The following PRIM2 variants were observed in gnomAD, a reference collection of about 807,000 sequenced individuals.
PRIM2 encodes the protein DNA primase subunit 2.
PRIM2 carries 39 observed loss-of-function variants against 67.3 expected under a neutral mutation model. That is an observed-to-expected ratio of 0.58 (90% CI 0.45 to 0.76). PRIM2 has a LOEUF of 0.76. Among genes scored for constraint, PRIM2 ranks in the 30% least tolerant of loss-of-function variants. The probability of loss-of-function intolerance (pLI) is 0.00; values close to 1 mark genes in which losing one functional copy is unlikely to be tolerated. For synonymous variants in PRIM2, 143 were observed against 198.7 expected (o/e 0.72, Z 2.36); for missense variants, 398 against 598.7 (o/e 0.66, Z 3.50).
intron 8 of PRIM2, among the ~76,000 whole-genome samples, chr6:57,517,438 A>G (rs1283821614): frequency 6.6e-6 from 1 of 152,168 alleles, no homozygotes; most frequent in Non-Finnish European, 1.5e-5. Flanking sequence ...CTATACCTGT[A>G]CTGTTTAATC....
Position 57,365,248 on chromosome 6 carries a change from G to A in PRIM2, c.460-14653G>A, listed in dbSNP as rs529401674. 4.7e-3 allele frequency among the ~76,000 whole-genome samples: 705 copies of A among 150,196 alleles called. 8 individuals carry two copies. The highest frequency in any genetic ancestry group is 0.017 in the African/African-American group (675 of 40,576). ...AAAGATGATTTTTATTAAAGGCACTGCTGTTACATTCACTCAGGCATGATT... is the reference window on the plus strand; with the variant it reads ...AAAGATGATTTTTATTAAAGGCACTACTGTTACATTCACTCAGGCATGATT... On this transcript the variant is annotated intron_variant, in intron 5 of 13. Transcript: ENST00000615550.
At chr6:57,441,377 T>A (rs1344922851) in intron 7 of PRIM2, among the ~76,000 whole-genome samples, 3 of 152,160 alleles carry the variant, frequency 2.0e-5, no homozygotes, top group Non-Finnish European at 4.4e-5. Flanking sequence ...TACATTAACA[T>A]TTTTCTTTTT....
intron 10 of PRIM2, among the ~76,000 whole-genome samples, chr6:57,541,619 A>G (rs1438763432): frequency 6.6e-6 from 1 of 152,154 alleles, no homozygotes; most frequent in Admixed American, 6.5e-5. Flanking sequence ...GTTGTTGCCT[A>G]TAATCTCTGC....
rs1366473841 is a variant in PRIM2, at chr6:57,510,637, C to T, written c.761+3183C>T. On this transcript the variant is annotated intron_variant, in intron 8 of 13. Transcript: ENST00000615550. ...ATGTAATGTGCACCCACTGCTGTTGCTTTATTATTATTATTATTAAACAAA... is the reference window on the plus strand; with the variant it reads ...ATGTAATGTGCACCCACTGCTGTTGTTTTATTATTATTATTATTAAACAAA... Among the ~76,000 whole-genome samples the T allele has an allele frequency of 8.7e-5, 13 of 148,596 alleles. No individual in the cohort carries two copies. In the Admixed American group the frequency reaches 8.8e-4, roughly 10 times the overall value.
intron 13 of PRIM2, among the ~76,000 whole-genome samples, chr6:57,639,158 G>A (rs1777180544): frequency 6.6e-6 from 1 of 152,132 alleles, no homozygotes; most frequent in Non-Finnish European, 1.5e-5. Context: ...TGACTACAGG[G>A]TAAATAATAA....
At chr6:57,622,020 G>A (rs1373813546) in intron 12 of PRIM2, among the ~76,000 whole-genome samples, 134 of 151,776 alleles carry the variant, frequency 8.8e-4, no homozygotes, top group African/African-American at 3.1e-3. Context: ...GCATGACCTC[G>A]GCTCACTGCA....
intron 10 of PRIM2, among the ~76,000 whole-genome samples, chr6:57,599,361 G>T (rs1776421959): frequency 6.6e-6 from 1 of 150,862 alleles, no homozygotes; most frequent in Non-Finnish European, 1.5e-5. Context: ...GAAATAACAA[G>T]ATATTTAAAA....
At chr6:57,222,248 G>C in the PRIM2 span, 2 of 152,636 alleles carry the variant, frequency 1.3e-5, no homozygotes, top group Non-Finnish European at 2.9e-5. Flanking sequence ...TCCGCCGGGG[G>C]TGGTGGGGCG....
intron 11 of PRIM2, among the ~76,000 whole-genome samples, chr6:57,602,466 C>G (rs1325688081): frequency 6.6e-6 from 1 of 152,124 alleles, no homozygotes; most frequent in African/African-American, 2.4e-5. Flanking sequence ...ACTTTATTTG[C>G]AAGTACACTG....
At chr6:57,609,232 C>A (rs1446968440) in intron 12 of PRIM2, among the ~76,000 whole-genome samples, 5 of 152,020 alleles carry the variant, frequency 3.3e-5, no homozygotes, top group Non-Finnish European at 5.9e-5. Flanking sequence ...GGAGGAAGGA[C>A]GATATGTACT....
chr6:57,237,288 T>G, the PRIM2 span, among the ~76,000 whole-genome samples: 1 of 152,354 alleles, frequency 6.6e-6, no homozygotes, highest in East Asian at 1.9e-4. Context: ...TAAATTTGTT[T>G]GAGTTCATTG....
chr6:57,562,192 A>T (rs1775646277), intron 10 of PRIM2, among the ~76,000 whole-genome samples: 2 of 152,342 alleles, frequency 1.3e-5, no homozygotes, highest in Admixed American at 1.3e-4. Context: ...TAAAATATAT[A>T]GAATGAGATA....
At chr6:57,327,558 T>A (rs1767906767) in intron 5 of PRIM2, among the ~76,000 whole-genome samples, 1 of 152,246 alleles carries the variant, frequency 6.6e-6, no homozygotes, top group Non-Finnish European at 1.5e-5. Context: ...ATGAGGTTTC[T>A]AAGTCACATC....
In PRIM2 at chr6:57,601,087, A is replaced by T; in HGVS notation, c.1021-6A>T. The T allele has an allele frequency of 1.2e-6, 2 of 1,603,212 alleles. No individual in the cohort carries two copies. Among genetic ancestry groups the T allele is most frequent in the South Asian group, 2.2e-5 (2 of 89,076 alleles). On this transcript the variant is annotated splice_region_variant and splice_polypyrimidine_tract_variant and intron_variant, in intron 10 of 13. Coordinates refer to ENST00000615550, the MANE Select transcript of PRIM2 (RefSeq NM_000947.5). Reference sequence around the variant, plus strand: ...TTTGTCTCTTTTTCCATTTCCTCCCAATCAGTTTGATAAAGGTTACTCTTA... The same window carrying T: ...TTTGTCTCTTTTTCCATTTCCTCCCTATCAGTTTGATAAAGGTTACTCTTA...
intron 7 of PRIM2, chr6:57,505,095 G>A (rs1774225021): frequency 6.6e-6 from 1 of 152,140 alleles, no homozygotes; most frequent in African/African-American, 2.4e-5. Flanking sequence ...TTTGAATTCT[G>A]TCAGCAAAAG....
In PRIM2 at chr6:57,646,465, C is replaced by G; in HGVS notation, c.*307C>G. ...GGCTCAAGCGATCCTCACACCTCAG[C>G]GTCCCAGAGTGCTGGGATTACGGTT... On this transcript the variant is annotated 3_prime_UTR_variant, in exon 14 of 14. Coordinates refer to ENST00000615550, the MANE Select transcript of PRIM2 (RefSeq NM_000947.5). 3.7e-6 allele frequency: 1 copy of G among 268,536 alleles called. No homozygotes were observed. Among genetic ancestry groups the G allele is most frequent in the Non-Finnish European group, 7.0e-6 (1 of 142,408 alleles). 16.6% of individuals were successfully genotyped at this position (268,536 alleles called of 1,614,324 possible).
chr6:57,452,750 T>C (rs1035475818), intron 7 of PRIM2, among the ~76,000 whole-genome samples: 1,688 of 148,702 alleles, frequency 0.011, 18 homozygotes, highest in Middle Eastern at 0.038. Flanking sequence ...TTCACTCTGA[T>C]GGTAGTTTCT....
intron 7 of PRIM2, among the ~76,000 whole-genome samples, chr6:57,418,383 G>GGTTTTATTT (rs1554336216): frequency 4.2e-5 from 2 of 47,228 alleles, no homozygotes; most frequent in South Asian, 2.0e-3. Context: ...TATGTGTGTG[G>GGTTTTATTT]TTTTTTTTTT....
intron 13 of PRIM2, among the ~76,000 whole-genome samples, chr6:57,645,321 T>TCACACACACA (rs1189530732): frequency 2.6e-4 from 34 of 132,854 alleles, no homozygotes; most frequent in Non-Finnish European, 4.5e-4. Flanking sequence ...ACAATGTCAT[T>TCACACACACA]CACACACACA....
Sources: gnomAD v4.1 joint callset for allele counts (sites outside exome capture counted in the v4.1 genomes callset) on GRCh38, gnomAD v4.1.1 for gene constraint, MANE v1.5 for transcripts, NCBI Gene and HGNC (gene_info 2026-07-23, HGNC 2026-07-21) for gene names.